The following SNX9 variants were observed in gnomAD, a reference collection of about 807,000 sequenced individuals.
SNX9 encodes sorting nexin 9.
Under a neutral mutation model 89.4 loss-of-function variants are expected in SNX9, and 44 were observed. That is an observed-to-expected ratio of 0.49 (90% confidence interval 0.39 to 0.63). The LOEUF (loss-of-function observed/expected upper bound fraction) is 0.63, where lower values mean the gene tolerates loss of function less well. SNX9 is among the 30% of genes least tolerant of loss of function. The pLI is 0.00. For synonymous variants in SNX9, 236 were observed against 247.8 expected (o/e 0.95, Z 0.45); for missense variants, 578 against 736.1 (o/e 0.79, Z 2.49).
intron 1 of SNX9, among the ~76,000 whole-genome samples, chr6:157,865,043 A>G (rs1782229166): frequency 6.7e-6 from 1 of 149,214 alleles, no homozygotes; most frequent in African/African-American, 2.5e-5. Flanking sequence ...ACAAAACAAA[A>G]ACAAAAACTA....
At chr6:157,865,499 TC>T (rs1349976623) in intron 1 of SNX9, among the ~76,000 whole-genome samples, 1 of 152,158 alleles carries the variant, frequency 6.6e-6, no homozygotes, top group Non-Finnish European at 1.5e-5. Context: ...TGATCTCCAC[TC>T]GGGTCCCAGC....
chr6:157,860,392 C>G (rs549029075), intron 1 of SNX9, among the ~76,000 whole-genome samples: 215 of 152,132 alleles, frequency 1.4e-3, no homozygotes, highest in Non-Finnish European at 2.6e-3. Flanking sequence ...GGTGACAGAG[C>G]AAGATGCGGT....
chr6:157,907,746 G>A (rs1412956493), intron 7 of SNX9, among the ~76,000 whole-genome samples: 2 of 152,202 alleles, frequency 1.3e-5, no homozygotes, highest in Non-Finnish European at 2.9e-5. Context: ...AGAAGCTGAG[G>A]AAAGCCACCG....
At position 157,942,863 on chromosome 6, in the gene SNX9, G is replaced by A. The variant is rs151057082; in HGVS notation, c.*25G>A. The A allele has an allele frequency of 1.6e-4, 255 of 1,604,862 alleles. No individual in the cohort carries two copies. The African/African-American group carries it at 2.8e-3, about 17-fold the overall frequency. On this transcript the variant is annotated 3_prime_UTR_variant, in exon 18 of 18. Transcript: ENST00000392185. Reference sequence around the variant, plus strand: ...GGACAGAACGGGCCTTGAAGAGAATGCCGCGTGCTTTCTCCTGACTTGGGG... The same window carrying A: ...GGACAGAACGGGCCTTGAAGAGAATACCGCGTGCTTTCTCCTGACTTGGGG...
chr6:157,932,519 G>A (rs962631081), intron 13 of SNX9, among the ~76,000 whole-genome samples: 10 of 151,940 alleles, frequency 6.6e-5, no homozygotes, highest in Non-Finnish European at 1.2e-4. Flanking sequence ...CTGGTGTAGC[G>A]CTTTTGTTTC....
intron 4 of SNX9, among the ~76,000 whole-genome samples, chr6:157,895,066 A>G (rs1782951591): frequency 6.6e-6 from 1 of 152,254 alleles, no homozygotes; most frequent in Non-Finnish European, 1.5e-5. Context: ...ATACGTATGT[A>G]TGAGAGGAGT....
At chr6:157,847,392 T>C (rs1316540553) in intron 1 of SNX9, among the ~76,000 whole-genome samples, 2 of 152,190 alleles carry the variant, frequency 1.3e-5, no homozygotes, top group Non-Finnish European at 2.9e-5. Context: ...TGTGAGCCAC[T>C]GCGCCCAGCC....
At chr6:157,868,355 A>C (rs567678823) in intron 2 of SNX9, among the ~76,000 whole-genome samples, 1 of 152,332 alleles carries the variant, frequency 6.6e-6, no homozygotes, top group Non-Finnish European at 1.5e-5. Flanking sequence ...GTACACATAG[A>C]TACACTCATC....
At chr6:157,867,462 C>A in intron 1 of SNX9, 85 bp from the exon 2 acceptor site, 1 of 1,077,478 alleles carries the variant, frequency 9.3e-7, no homozygotes, top group Non-Finnish European at 1.4e-6. Context: ...TACCAGCATG[C>A]TTAGAAAGTG....
At chr6:157,825,463 A>C (rs1781325615) in intron 1 of SNX9, among the ~76,000 whole-genome samples, 1 of 152,200 alleles carries the variant, frequency 6.6e-6, no homozygotes, top group South Asian at 2.1e-4. Flanking sequence ...TTTTCCAAAA[A>C]ATCGAAAAGT....
intron 16 of SNX9, among the ~76,000 whole-genome samples, chr6:157,939,469 G>A (rs986245115): frequency 1.3e-5 from 2 of 152,206 alleles, no homozygotes; most frequent in East Asian, 3.8e-4. Flanking sequence ...TGCTGGTTAT[G>A]GAGGGGAGAT....
intron 1 of SNX9, among the ~76,000 whole-genome samples, chr6:157,843,872 C>CTTTTTTTTT (rs1006138414): frequency 1.1e-4 from 13 of 120,682 alleles, no homozygotes; most frequent in African/African-American, 2.9e-4. Flanking sequence ...TCCCATTTGT[C>CTTTTTTTTT]TTTTTTTTTT....
chr6:157,855,164 C>T (rs1399589445), intron 1 of SNX9, among the ~76,000 whole-genome samples: 2 of 152,068 alleles, frequency 1.3e-5, no homozygotes, highest in Non-Finnish European at 2.9e-5. Context: ...AGTGGTGTGC[C>T]TGATTTGTTT....
intron 4 of SNX9, among the ~76,000 whole-genome samples, chr6:157,881,266 T>C (rs1036562915): frequency 6.6e-5 from 10 of 152,198 alleles, no homozygotes; most frequent in African/African-American, 2.4e-4. Context: ...GATGTTACTA[T>C]TGTAATTGTT....
At chr6:157,909,528 T>C in intron 7 of SNX9, 137 bp from the exon 8 acceptor site, 2 of 1,008,952 alleles carry the variant, frequency 2.0e-6, no homozygotes, top group Non-Finnish European at 2.9e-6. Flanking sequence ...GAACCATTTA[T>C]GTACCTTTCA....
chr6:157,897,321 G>A (rs1783000884), intron 5 of SNX9, among the ~76,000 whole-genome samples: 1 of 152,086 alleles, frequency 6.6e-6, no homozygotes, highest in Admixed American at 6.5e-5. Flanking sequence ...TTATTACAAA[G>A]CTCAATTTAC....
chr6:157,919,009 T>C (rs1562618213), intron 9 of SNX9, among the ~76,000 whole-genome samples: 1 of 152,150 alleles, frequency 6.6e-6, no homozygotes, highest in East Asian at 1.9e-4. Flanking sequence ...TAGAAAAAAA[T>C]ATATCTATAG....
intron 10 of SNX9, among the ~76,000 whole-genome samples, chr6:157,923,382 A>G (rs1351965867): frequency 1.3e-5 from 2 of 152,186 alleles, no homozygotes; most frequent in Non-Finnish European, 2.9e-5. Flanking sequence ...AGGTAGCTGG[A>G]TACAAGACAT....
At position 157,916,706 on chromosome 6, in the gene SNX9, A is replaced by G. The variant is rs374763863; in HGVS notation, c.950-4825A>G. ...GTGATTGTATGGCTTTTCTTCTGCT[A>G]TTAATACAGCAAATCACACTGATCA... On this transcript the variant is annotated intron_variant, in intron 9 of 17. Coordinates refer to ENST00000392185, the MANE Select transcript of SNX9 (RefSeq NM_016224.5). Among the ~76,000 whole-genome samples, 114 of 152,298 alleles carry G rather than the reference A, an allele frequency of 7.5e-4. 1 individual carries two copies. The South Asian group carries it at 8.5e-3, about 11-fold the overall frequency.
Sources: gnomAD v4.1 joint callset for allele counts (sites outside exome capture counted in the v4.1 genomes callset) on GRCh38, gnomAD v4.1.1 for gene constraint, MANE v1.5 for transcripts, NCBI Gene and HGNC (gene_info 2026-07-23, HGNC 2026-07-21) for gene names.